Variants in AMZ1 observed in about 807,000 individuals in gnomAD.
AMZ1 encodes archaelysin family metallopeptidase 1, also known as archaemetzincin-1.
Under a neutral mutation model 29.9 loss-of-function variants are expected in AMZ1, and 39 were observed. That is an observed-to-expected ratio of 1.30 (90% CI 1.01 to 1.70). The LOEUF is 1.70. Among genes scored for constraint, AMZ1 ranks in the 40% most tolerant of loss-of-function variants. The pLI is 0.00. For synonymous variants in AMZ1, 458 were observed against 304.0 expected (o/e 1.51, Z -5.27); for missense variants, 1,041 against 680.6 (o/e 1.53, Z -5.89).
At chr7:2,743,292 A>C (rs888208692) in intron 4 of AMZ1, among the ~76,000 whole-genome samples, 25 of 152,236 alleles carry the variant, frequency 1.6e-4, no homozygotes, top group African/African-American at 5.8e-4. Context: ...CTGCTAAAGC[A>C]AAAATATCAA....
chr7:2,763,736 C>T (rs1562415193), upstream of AMZ1, among the ~76,000 whole-genome samples: 1 of 152,226 alleles, frequency 6.6e-6, no homozygotes, highest in Non-Finnish European at 1.5e-5. Context: ...AATGTGCCTT[C>T]CCTGCACAAA....
intron 4 of AMZ1, among the ~76,000 whole-genome samples, chr7:2,739,101 C>G (rs898929262): frequency 1.3e-5 from 2 of 152,206 alleles, no homozygotes; most frequent in African/African-American, 4.8e-5. Flanking sequence ...GGGTTGCTGT[C>G]ACAGGGGTGC....
Position 2,708,612 on chromosome 7 carries a change from A to T in AMZ1, c.497A>T (p.Asn166Ile). 6.2e-7 allele frequency: 1 copy of T among 1,612,888 alleles called. No homozygotes were observed. Among genetic ancestry groups the T allele is most frequent in the South Asian group, 1.1e-5 (1 of 91,074 alleles). Reference protein sequence around the residue: ...HTDGILSFLKNNKPGDALCVL... With the variant: ...HTDGILSFLKINKPGDALCVL... ...GACGGCATCCTGTCCTTCTTGAAGAACAACAAGCCAGGGGACGCGCTGTGT... is the reference window on the plus strand; with the variant it reads ...GACGGCATCCTGTCCTTCTTGAAGATCAACAAGCCAGGGGACGCGCTGTGT... The change falls in exon 4 of 7, where the codon AAC becomes ATC. Residue 166 changes from asparagine (N) to isoleucine (I), a missense_variant. Asn to Ile is a moderately radical substitution (Grantham distance 149). Coordinates refer to ENST00000683327, the MANE Select transcript of AMZ1 (RefSeq NM_001384743.1).
At position 2,690,944 on chromosome 7, in the gene AMZ1, T is replaced by C. The variant is rs866854277; in HGVS notation, c.-219+2648T>C. Among the ~76,000 whole-genome samples the C allele has an allele frequency of 2.7e-4, 41 of 151,776 alleles. 1 individual carries two copies. The highest frequency in any genetic ancestry group is 8.9e-4 in the African/African-American group (37 of 41,366). ...CCACTTGAGGCCAGGAGTTCGATAC[T>C]AGCCTGGCCAACATGGTGAAACCCT... On this transcript the variant is annotated intron_variant, in intron 1 of 6. Coordinates refer to ENST00000683327, the MANE Select transcript of AMZ1 (RefSeq NM_001384743.1).
chr7:2,720,703 T>TA (rs953702386), downstream of AMZ1, among the ~76,000 whole-genome samples: 332 of 147,992 alleles, frequency 2.2e-3, 2 homozygotes, highest in African/African-American at 6.4e-3. Flanking sequence ...GCCCAGCCTT[T>TA]AAAAAAAAAA....
At chr7:2,740,663 C>A (rs1790452828) in intron 4 of AMZ1, among the ~76,000 whole-genome samples, 1 of 152,148 alleles carries the variant, frequency 6.6e-6, no homozygotes, top group South Asian at 2.1e-4. Context: ...TAATACTGGG[C>A]AATGGGTTTA....
chr7:2,688,363 T>A (rs1329221494), intron 1 of AMZ1, 67 bp downstream of exon 1: 1 of 125,866 alleles, frequency 7.9e-6, no homozygotes, highest in Non-Finnish European at 1.7e-5. Context: ...CCGGGGCGGG[T>A]GGGTAGGGGC....
At chr7:2,689,087 G>A (rs1787226428) in intron 1 of AMZ1, among the ~76,000 whole-genome samples, 1 of 152,232 alleles carries the variant, frequency 6.6e-6, no homozygotes, top group Non-Finnish European at 1.5e-5. Context: ...AATGGAAACT[G>A]AGAGGTGAGA....
upstream of AMZ1, chr7:2,763,327 A>C (rs1791663954): frequency 1.2e-5 from 2 of 163,276 alleles, no homozygotes; most frequent in South Asian, 2.0e-4. Flanking sequence ...GACGGCACAA[A>C]TGCCGGTGCG....
Position 2,731,204 on chromosome 7 carries a change from G to A in AMZ1, n.550+21388G>A, listed in dbSNP as rs775157193. 1.9e-6 allele frequency: 3 copies of A among 1,612,236 alleles called. No individual in the cohort carries two copies. The highest frequency in any genetic ancestry group is 2.5e-6 in the Non-Finnish European group (3 of 1,178,992). On this transcript the variant is annotated intron_variant and non_coding_transcript_variant, in intron 4 of 4. Transcript: ENST00000489665. This position sits in a 1 kb window ranked among gnomAD's most constrained non-coding sequence, Gnocchi z 6.0. ...GCTCACTGCAGCATGATGTCCTTCAGGTTCTCCTGCAGGATGGTGTCTTTC... is the reference window on the plus strand; with the variant it reads ...GCTCACTGCAGCATGATGTCCTTCAAGTTCTCCTGCAGGATGGTGTCTTTC...
rs1789326482 is a variant in AMZ1 at position 2,719,485 on chromosome 7, A to G, written c.*6607A>G. Among the ~76,000 whole-genome samples the G allele has an allele frequency of 6.6e-6, 1 of 152,170 alleles. No homozygotes were observed. Among genetic ancestry groups the G allele is most frequent in the South Asian group, 2.1e-4 (1 of 4,830 alleles). On this transcript the variant is annotated 3_prime_UTR_variant, in exon 7 of 7. Transcript: ENST00000683327. ...ACGGGAACGACTTAGCCCTAATTAC[A>G]TGAGCTTTGATCACCGCTCGATTGT... is the stretch of plus-strand genomic sequence containing the variant.
chr7:2,694,915 C>T (rs1318555333), intron 1 of AMZ1, among the ~76,000 whole-genome samples: 11 of 152,248 alleles, frequency 7.2e-5, no homozygotes, highest in South Asian at 2.1e-4. Context: ...TCGAGTGATC[C>T]GCCTGCCTCG....
intron 4 of AMZ1, among the ~76,000 whole-genome samples, chr7:2,738,306 A>G (rs970162798): frequency 1.3e-5 from 2 of 152,038 alleles, no homozygotes; most frequent in African/African-American, 2.4e-5. Flanking sequence ...AAATTAGGTA[A>G]CAGATTCACT....
Position 2,734,894 on chromosome 7 carries a change from G to A in AMZ1, n.550+25078G>A, listed in dbSNP as rs1583208009. ...AGCTCTGCAGTAGGGAAGGCATCGG[G>A]AGTGCCAGGGTGAACGTACCCCAAG... On this transcript the variant is annotated intron_variant and non_coding_transcript_variant, in intron 4 of 4. Coordinates refer to the AMZ1 transcript ENST00000489665. Among the ~76,000 whole-genome samples the A allele has an allele frequency of 2.6e-5, 4 of 152,290 alleles. No homozygotes were observed. The South Asian group carries it at 8.3e-4, about 32-fold the overall frequency.
rs745465848 is a variant in AMZ1 at position 2,708,595 on chromosome 7, C to T, written c.480C>T (p.Ile160=). The part of the protein sequence containing the change: ...SDRLQLHTDG[I]LSFLKNNKPG... ...CTGGCCCTCTCCCCGCAGACGGCAT[C>T]CTGTCCTTCTTGAAGAACAACAAGC... The change falls in exon 4 of 7, where the codon ATC becomes ATT. Residue 160 remains isoleucine (I), a synonymous_variant. Coordinates refer to ENST00000683327, the MANE Select transcript of AMZ1 (RefSeq NM_001384743.1). The T allele has an allele frequency of 2.4e-5, 38 of 1,612,510 alleles. 2 individuals carry two copies. The South Asian group carries it at 3.6e-4, about 15-fold the overall frequency.
At chr7:2,759,237 G>A (rs1791447311) in intron 4 of AMZ1, among the ~76,000 whole-genome samples, 1 of 151,828 alleles carries the variant, frequency 6.6e-6, no homozygotes, top group South Asian at 2.1e-4. Flanking sequence ...TAACGCTGAA[G>A]AAATAAGTCA....
At chr7:2,754,691 G>C (rs943365228) in intron 4 of AMZ1, among the ~76,000 whole-genome samples, 1 of 152,166 alleles carries the variant, frequency 6.6e-6, no homozygotes. Context: ...TGAGGCTGCA[G>C]TGAGCTATGA....
chr7:2,700,469 C>A lies in AMZ1; in HGVS notation c.18C>A (p.Pro6=). 1 of 1,601,728 alleles carries A rather than the reference C, an allele frequency of 6.2e-7. No individual in the cohort carries two copies. The highest frequency in any genetic ancestry group is 8.5e-7 in the Non-Finnish European group (1 of 1,179,828). ...CGCCCACCATGCTGCAGTGTAGACC[C>A]GCACAGGAGTTCAGCTTCGGGCCCC... is the stretch of plus-strand genomic sequence containing the variant. MLQCR[P]AQEFSFGPRA... is the part of the protein sequence containing the mutation. The change falls in exon 2 of 7, where the codon CCC becomes CCA. Residue 6 remains proline (P), a synonymous_variant. Coordinates refer to ENST00000683327, the MANE Select transcript of AMZ1 (RefSeq NM_001384743.1).
At chr7:2,762,791 G>A (rs1170795637), upstream of AMZ1, 1 of 1,539,168 alleles carries the variant, frequency 6.5e-7, no homozygotes, top group Non-Finnish European at 8.8e-7. Context: ...ACAAAAGGGA[G>A]GAGGAGCACT....
Sources: allele counts gnomAD v4.1 joint callset (sites outside exome capture counted in the v4.1 genomes callset), GRCh38; gene constraint gnomAD v4.1.1; non-coding constraint Gnocchi (gnomAD v3.1); transcripts MANE v1.5; gene names NCBI Gene and HGNC (gene_info 2026-07-23, HGNC 2026-07-21).